Variants in CFAP95 observed in about 807,000 individuals in gnomAD.
CFAP95 encodes cilia- and flagella-associated protein 95.
At chr9:69,866,957 G>T in the CFAP95 span, among the ~76,000 whole-genome samples, 1 of 152,162 alleles carries the variant, frequency 6.6e-6, no homozygotes, top group Non-Finnish European at 1.5e-5. Context: ...GGTACTGAGT[G>T]GTGACGGCTT....
At chr9:69,842,268 A>G in the CFAP95 span, among the ~76,000 whole-genome samples, 2 of 152,264 alleles carry the variant, frequency 1.3e-5, no homozygotes, top group Middle Eastern at 3.4e-3. Context: ...ACCTGCATGG[A>G]TCTGTAAGGG....
At chr9:69,884,980 TG>T in the CFAP95 span, 5 of 152,230 alleles carry the variant, frequency 3.3e-5, no homozygotes, top group African/African-American at 1.2e-4. Flanking sequence ...TATGTATTGC[TG>T]GGTCCCACCC....
the CFAP95 span, among the ~76,000 whole-genome samples, chr9:69,873,915 A>G: frequency 1.3e-5 from 2 of 152,256 alleles, no homozygotes; most frequent in Non-Finnish European, 2.9e-5. Flanking sequence ...AACTCATACC[A>G]TGAATTTTAT....
At chr9:69,890,683 G>T in the CFAP95 span, among the ~76,000 whole-genome samples, 1 of 152,186 alleles carries the variant, frequency 6.6e-6, no homozygotes, top group Non-Finnish European at 1.5e-5. Flanking sequence ...TACTACATCT[G>T]CAATTATGCA....
chr9:69,861,485 C>A, the CFAP95 span, among the ~76,000 whole-genome samples: 14 of 152,170 alleles, frequency 9.2e-5, no homozygotes, highest in Non-Finnish European at 1.8e-4. Context: ...TGATTAAGGA[C>A]TCTCTTACCC....
the CFAP95 span, among the ~76,000 whole-genome samples, chr9:69,851,256 T>C: frequency 4.6e-5 from 7 of 152,174 alleles, no homozygotes; most frequent in Non-Finnish European, 8.8e-5. Flanking sequence ...TCCATATTTT[T>C]TGCCTCCACT....
At chr9:69,862,866 A>C in the CFAP95 span, among the ~76,000 whole-genome samples, 2 of 152,178 alleles carry the variant, frequency 1.3e-5, no homozygotes, top group Admixed American at 1.3e-4. Flanking sequence ...TTTCCTCCAT[A>C]AGTGGGTAGC....
At chr9:69,856,422 T>A in the CFAP95 span, 1 of 533,496 alleles carries the variant, frequency 1.9e-6, no homozygotes, top group Admixed American at 3.7e-5. Flanking sequence ...ACAGCTATGA[T>A]CTATTACTTA....
At chr9:69,898,971 C>A in the CFAP95 span, among the ~76,000 whole-genome samples, 1 of 151,760 alleles carries the variant, frequency 6.6e-6, no homozygotes, top group East Asian at 1.9e-4. Context: ...ATCTTTGGTT[C>A]TTTGTCCTCA....
At chr9:69,895,950 TG>T in the CFAP95 span, among the ~76,000 whole-genome samples, 1 of 152,152 alleles carries the variant, frequency 6.6e-6, no homozygotes, top group Non-Finnish European at 1.5e-5. Context: ...CGTGAGCTGC[TG>T]CGCCTGGCCT....
chr9:69,826,391 C>G, the CFAP95 span, among the ~76,000 whole-genome samples: 6,949 of 152,182 alleles, frequency 0.046, 516 homozygotes, highest in African/African-American at 0.16. Context: ...ATTTAGAGTT[C>G]CTCCTGTCAC....
the CFAP95 span, among the ~76,000 whole-genome samples, chr9:69,864,440 T>C: frequency 0.85 from 128,981 of 152,052 alleles, 54,777 homozygotes; most frequent in Middle Eastern, 0.9. Context: ...GCTACGTGAC[T>C]GTGTGCTGCC....
chr9:69,889,178 G>A, the CFAP95 span, among the ~76,000 whole-genome samples: 11 of 152,096 alleles, frequency 7.2e-5, no homozygotes, highest in African/African-American at 2.2e-4. Flanking sequence ...TGATACCCTC[G>A]TTCAAAAATG....
the CFAP95 span, among the ~76,000 whole-genome samples, chr9:69,891,081 G>A: frequency 2.2e-3 from 337 of 152,296 alleles, 3 homozygotes; most frequent in African/African-American, 7.7e-3. Context: ...TTGGAAAGAA[G>A]GTACATTAGA....
chr9:69,870,282 T>C, the CFAP95 span, among the ~76,000 whole-genome samples: 7 of 152,198 alleles, frequency 4.6e-5, no homozygotes, highest in Non-Finnish European at 1.0e-4. Context: ...ATTTGTCTAA[T>C]GTATGAGACA....
At chr9:69,839,733 G>C in the CFAP95 span, among the ~76,000 whole-genome samples, 2 of 151,156 alleles carry the variant, frequency 1.3e-5, no homozygotes, top group African/African-American at 4.9e-5. Context: ...GACAAATTTT[G>C]GTTTCAATTT....
chr9:69,860,724 T>C, the CFAP95 span, among the ~76,000 whole-genome samples: 1 of 152,094 alleles, frequency 6.6e-6, no homozygotes, highest in Non-Finnish European at 1.5e-5. Context: ...AGCTTTTTAT[T>C]ATTAAACAAT....
At chr9:69,871,418 C>T in the CFAP95 span, among the ~76,000 whole-genome samples, 7 of 151,728 alleles carry the variant, frequency 4.6e-5, no homozygotes, top group East Asian at 1.9e-4. Context: ...TTTGAGCATA[C>T]GGTAGGAATA....
chr9:69,841,628 C>T, the CFAP95 span, among the ~76,000 whole-genome samples: 3 of 152,246 alleles, frequency 2.0e-5, no homozygotes, highest in South Asian at 2.1e-4. Flanking sequence ...TAGTCGTTCT[C>T]ATGCTGCTAA....
Sources: allele counts gnomAD v4.1 joint callset (sites outside exome capture counted in the v4.1 genomes callset), GRCh38; gene constraint gnomAD v4.1.1; transcripts MANE v1.5; gene names NCBI Gene and HGNC (gene_info 2026-07-23, HGNC 2026-07-21).